Variants in PRR33 observed in about 807,000 individuals in gnomAD.
PRR33 encodes the protein proline-rich protein 33.
In PRR33, 1 loss-of-function variant was observed where a neutral mutation model predicts 0.5. That is an observed-to-expected ratio of 2.18 (90% CI 0.77 to 10.34). The LOEUF is 10.34. Among genes scored for constraint, PRR33 ranks in the 30% most tolerant of loss-of-function variants. PRR33 has a pLI of 0.13. For synonymous variants in PRR33, 226 were observed against 110.0 expected, an observed-to-expected ratio of 2.06 and a Z score of -6.60; for missense variants, 552 against 251.8, an observed-to-expected ratio of 2.19 and a Z score of -8.07.
the PRR33 span, among the ~76,000 whole-genome samples, chr11:1,904,229 C>G: frequency 6.6e-6 from 1 of 152,082 alleles, no homozygotes; most frequent in African/African-American, 2.4e-5. Context: ...TGATGCCATC[C>G]GTTTAAAGAG....
upstream of PRR33, chr11:1,892,319 T>G (rs1255123428): frequency 6.6e-6 from 1 of 152,278 alleles, no homozygotes; most frequent in African/African-American, 2.4e-5. Context: ...ATGGAAATGT[T>G]GGGCCAGTGG....
exon 1 of PRR33, chr11:1,890,901 A>G (rs1410052386): frequency 1.1e-5 from 4 of 355,750 alleles, no homozygotes; most frequent in Non-Finnish European, 1.6e-5. Context: ...GGCCCCAAGT[A>G]CACAGCCTGG....
chr11:1,889,786 C>T, exon 1 of PRR33: 1 of 647,614 alleles, frequency 1.5e-6, no homozygotes, highest in Non-Finnish European at 2.8e-6. Context: ...ATGGGCACCA[C>T]AACCCTGGCA....
At chr11:1,910,228 G>A in the PRR33 span, among the ~76,000 whole-genome samples, 1 of 151,958 alleles carries the variant, frequency 6.6e-6, no homozygotes, top group Admixed American at 6.6e-5. Context: ...CTGCACGCTG[G>A]CCAAGATGTC....
exon 1 of PRR33, among the ~76,000 whole-genome samples, chr11:1,888,276 C>G (rs1039217907): frequency 2.6e-5 from 4 of 152,200 alleles, no homozygotes; most frequent in Non-Finnish European, 4.4e-5. Context: ...CAGAGCCTGG[C>G]TGACTGCTGA....
rs1427685364 is a variant in PRR33 at position 1,889,652 on chromosome 11, G to C, written c.933C>G (p.Ser311Arg). 1.9e-5 allele frequency: 12 copies of C among 629,214 alleles called. No homozygotes were observed. In the East Asian group the frequency reaches 3.0e-4, roughly 16 times the overall value. 39.0% of individuals were successfully genotyped at this position (629,214 alleles called of 1,614,324 possible). ...GGGTAGGGGATGAGGCCCAGGCAGG[G>C]CTGGACACTCGCTCGGCCTCAGCGG... The change falls in exon 1 of 1, where the codon AGC becomes AGG. Residue 311 changes from serine to arginine, a missense_variant. Coordinates refer to ENST00000640310, the Ensembl canonical transcript of PRR33.
At chr11:1,911,700 C>T in the PRR33 span, among the ~76,000 whole-genome samples, 28 of 151,450 alleles carry the variant, frequency 1.8e-4, no homozygotes, top group African/African-American at 5.8e-4. Context: ...GGATTACAGG[C>T]GTGAGTCACT....
the PRR33 span, among the ~76,000 whole-genome samples, chr11:1,897,803 G>C: frequency 6.6e-6 from 1 of 152,240 alleles, no homozygotes; most frequent in Admixed American, 6.5e-5. This position sits in a 1 kb window ranked among gnomAD's most constrained non-coding sequence, Gnocchi z 4.0. Flanking sequence ...ACACCATTTA[G>C]CATCCTACAG....
the PRR33 span, among the ~76,000 whole-genome samples, chr11:1,897,842 G>A: frequency 2.6e-5 from 4 of 152,118 alleles, no homozygotes; most frequent in Non-Finnish European, 4.4e-5. The surrounding 1 kb of genome is among the most constrained non-coding windows in gnomAD (Gnocchi z 4.0). Context: ...TTAAAACTCC[G>A]GAGAGAATGC....
At chr11:1,889,465 G>C in exon 1 of PRR33, 1 of 634,546 alleles carries the variant, frequency 1.6e-6, no homozygotes, top group Non-Finnish European at 2.9e-6. Flanking sequence ...GGCACCTCCT[G>C]CTCTGTGGGG....
chr11:1,899,692 A>G, the PRR33 span, among the ~76,000 whole-genome samples: 1 of 152,192 alleles, frequency 6.6e-6, no homozygotes, highest in Non-Finnish European at 1.5e-5. Context: ...TTGTATCTGT[A>G]ACAAGTTATT....
chr11:1,908,555 T>G, the PRR33 span, among the ~76,000 whole-genome samples: 1 of 152,100 alleles, frequency 6.6e-6, no homozygotes, highest in Non-Finnish European at 1.5e-5. Context: ...CTTGTTTGGG[T>G]TTTTTTAGAG....
the PRR33 span, among the ~76,000 whole-genome samples, chr11:1,899,827 G>T: frequency 6.6e-6 from 1 of 152,078 alleles, no homozygotes; most frequent in Admixed American, 6.6e-5. Context: ...CAGTGCTCTT[G>T]CCTGGGAAAG....
chr11:1,894,711 G>T (rs147512995), upstream of PRR33, among the ~76,000 whole-genome samples: 1 of 152,110 alleles, frequency 6.6e-6, no homozygotes, highest in Non-Finnish European at 1.5e-5. Context: ...TCATCTGTTC[G>T]TCTCTTGGTG....
At chr11:1,902,562 C>G in the PRR33 span, 2 of 151,990 alleles carry the variant, frequency 1.3e-5, no homozygotes, top group Non-Finnish European at 1.5e-5. Context: ...TATTTATGAT[C>G]TTATTTTGTC....
exon 1 of PRR33, chr11:1,891,079 T>C (rs1439351822): frequency 3.2e-5 from 5 of 157,988 alleles, no homozygotes; most frequent in African/African-American, 1.2e-4. Flanking sequence ...CACAGGCGCG[T>C]CCGCTGCGAG....
the PRR33 span, among the ~76,000 whole-genome samples, chr11:1,905,914 G>A: frequency 1.5e-3 from 235 of 151,630 alleles, no homozygotes; most frequent in African/African-American, 5.3e-3. Flanking sequence ...GACCTCCAGG[G>A]CTCAAGGGAT....
exon 1 of PRR33, chr11:1,890,419 G>A (rs1237221562): frequency 1.4e-6 from 1 of 717,258 alleles, no homozygotes; most frequent in Admixed American, 2.0e-5. Context: ...GGTGGAGCGA[G>A]GTGTGTGCCT....
At chr11:1,890,474 A>G in exon 1 of PRR33, 1 of 717,208 alleles carries the variant, frequency 1.4e-6, no homozygotes. Flanking sequence ...GCTTCTGCAA[A>G]CGCAAGTTGT....
Sources: allele counts gnomAD v4.1 joint callset (sites outside exome capture counted in the v4.1 genomes callset), GRCh38; gene constraint gnomAD v4.1.1; non-coding constraint Gnocchi (gnomAD v3.1); transcripts MANE v1.5; gene names NCBI Gene and HGNC (gene_info 2026-07-23, HGNC 2026-07-21).